Variants in HPSE2 observed in about 807,000 individuals in gnomAD.
HPSE2 encodes heparanase 2 (inactive), also known as inactive heparanase-2.
HPSE2 carries 38 observed loss-of-function variants against 60.5 expected under a neutral mutation model. The observed-to-expected ratio is 0.63, with a 90% CI of 0.48 to 0.82. The LOEUF is 0.82. Ranked by LOEUF, HPSE2 falls within the 40% of genes least tolerant of loss-of-function variation. HPSE2 has a pLI of 0.00. For missense variants in HPSE2, 713 were observed against 740.4 expected, an observed-to-expected ratio of 0.96 and a Z score of 0.43; for synonymous variants, 295 against 293.2, an observed-to-expected ratio of 1.01 and a Z score of -0.06.
At chr10:98,638,904 G>A (rs922846158) in intron 7 of HPSE2, among the ~76,000 whole-genome samples, 1 of 152,162 alleles carries the variant, frequency 6.6e-6, no homozygotes, top group African/African-American at 2.4e-5. Flanking sequence ...ATGACTTAAA[G>A]CCTACTAAAT....
intron 3 of HPSE2, among the ~76,000 whole-genome samples, chr10:98,874,596 CTTTA>C (rs1952822671): frequency 6.6e-6 from 1 of 151,986 alleles, no homozygotes; most frequent in African/African-American, 2.4e-5. Context: ...TCTGAATACT[CTTTA>C]TTTCTTTCTT....
At chr10:99,055,768 C>G (rs965215736) in intron 3 of HPSE2, among the ~76,000 whole-genome samples, 1 of 152,034 alleles carries the variant, frequency 6.6e-6, no homozygotes, top group African/African-American at 2.4e-5. Flanking sequence ...GAATGTATTT[C>G]TAACTGAATA....
chr10:98,466,602 C>T (rs1940543054), intron 11 of HPSE2, among the ~76,000 whole-genome samples: 1 of 145,458 alleles, frequency 6.9e-6, no homozygotes, highest in Non-Finnish European at 1.5e-5. Flanking sequence ...CAGAGTGAGA[C>T]TCCGTCTCAA....
intron 9 of HPSE2, among the ~76,000 whole-genome samples, chr10:98,529,997 C>A (rs145557826): frequency 4.6e-5 from 7 of 152,218 alleles, no homozygotes; most frequent in African/African-American, 1.7e-4. Flanking sequence ...TGATAGAGCA[C>A]CTAGATGACT....
At chr10:99,142,434 C>T (rs1845895986) in intron 3 of HPSE2, among the ~76,000 whole-genome samples, 1 of 152,116 alleles carries the variant, frequency 6.6e-6, no homozygotes, top group Admixed American at 6.5e-5. Flanking sequence ...CATCTCTTCC[C>T]AACACCTGGA....
intron 2 of HPSE2, among the ~76,000 whole-genome samples, chr10:99,186,310 C>G (rs1848021766): frequency 6.6e-6 from 1 of 151,784 alleles, no homozygotes; most frequent in African/African-American, 2.4e-5. Context: ...TTTGAGAGGC[C>G]AAGGCAGGCA....
At chr10:98,546,508 C>A (rs1943680874) in intron 9 of HPSE2, among the ~76,000 whole-genome samples, 1 of 151,724 alleles carries the variant, frequency 6.6e-6, no homozygotes, top group African/African-American at 2.4e-5. Flanking sequence ...CGCATACCTA[C>A]AACTATCTGA....
chr10:99,050,572 A>G (rs1957968261), intron 3 of HPSE2, among the ~76,000 whole-genome samples: 1 of 152,356 alleles, frequency 6.6e-6, no homozygotes, highest in East Asian at 1.9e-4. Flanking sequence ...ACGTGGAATT[A>G]CTGCAATAAG....
chr10:98,868,665 A>T (rs955073697), intron 3 of HPSE2, among the ~76,000 whole-genome samples: 1 of 152,156 alleles, frequency 6.6e-6, no homozygotes, highest in East Asian at 1.9e-4. Flanking sequence ...ATTTTAAAAA[A>T]TTTAATATGA....
the HPSE2 span, among the ~76,000 whole-genome samples, chr10:99,305,969 G>GCACACACACACACA: frequency 4.5e-4 from 23 of 50,920 alleles, no homozygotes; most frequent in South Asian, 1.7e-3. Flanking sequence ...ACACGCGCGC[G>GCACACACACACACA]CGCGCGCGCG....
chr10:99,100,557 G>C (rs532182511), intron 3 of HPSE2, among the ~76,000 whole-genome samples: 1 of 152,292 alleles, frequency 6.6e-6, no homozygotes, highest in African/African-American at 2.4e-5. Flanking sequence ...AACCAAGTTG[G>C]AAAACACTCT....
At chr10:98,501,710 C>T (rs1942034173) in intron 9 of HPSE2, among the ~76,000 whole-genome samples, 1 of 152,114 alleles carries the variant, frequency 6.6e-6, no homozygotes, top group South Asian at 2.1e-4. Context: ...AGCAATCAGA[C>T]AAGAGAAAGA....
chr10:99,254,300 A>T, the HPSE2 span, among the ~76,000 whole-genome samples: 1 of 152,242 alleles, frequency 6.6e-6, no homozygotes, highest in African/African-American at 2.4e-5. Context: ...AGGAACAGAT[A>T]ACCAAATAAT....
At position 99,180,889 on chromosome 10, in the gene HPSE2, C is replaced by CAAAAA. The variant is rs68033581; in HGVS notation, c.449-36495_449-36491dup. Among the ~76,000 whole-genome samples the CAAAAA allele has an allele frequency of 7.7e-4, 23 of 29,700 alleles. 3 individuals are homozygous for CAAAAA. The highest frequency in any genetic ancestry group is 3.2e-3 in the African/African-American group (15 of 4,634). 19.5% of individuals were successfully genotyped at this position (29,700 alleles called of 152,430 possible). On this transcript the variant is annotated intron_variant, in intron 2 of 11. Transcript: ENST00000370552. ...TGGGCAACAAGGCAAGACTCCATCT[C>CAAAAA]AAAAAAAAAAAAAAAAAAAAAAAAA...
chr10:98,911,469 G>A (rs1953977097), intron 3 of HPSE2, among the ~76,000 whole-genome samples: 1 of 152,148 alleles, frequency 6.6e-6, no homozygotes, highest in Admixed American at 6.5e-5. Flanking sequence ...AAAATGAATA[G>A]GAGCTCACAG....
chr10:98,532,740 G>A (rs905604389), intron 9 of HPSE2, among the ~76,000 whole-genome samples: 20 of 152,118 alleles, frequency 1.3e-4, no homozygotes, highest in Non-Finnish European at 2.8e-4. Flanking sequence ...ATTCTTCCAG[G>A]TATAATCAGC....
chr10:98,844,057 A>G (rs1357886889), intron 3 of HPSE2, among the ~76,000 whole-genome samples: 1 of 152,132 alleles, frequency 6.6e-6, no homozygotes, highest in Non-Finnish European at 1.5e-5. Flanking sequence ...TATTTATATG[A>G]AGCAATATTG....
chr10:98,735,023 T>G (rs1481895153), intron 4 of HPSE2, among the ~76,000 whole-genome samples: 1 of 152,086 alleles, frequency 6.6e-6, no homozygotes, highest in African/African-American at 2.4e-5. Flanking sequence ...ATCCATAGTC[T>G]ACATTTGGGT....
intron 2 of HPSE2, among the ~76,000 whole-genome samples, chr10:99,168,190 T>G (rs554847041): frequency 3.6e-4 from 55 of 152,160 alleles, no homozygotes; most frequent in African/African-American, 1.3e-3. Context: ...TTTCAAGATA[T>G]TTCATCTTCC....
Sources: allele counts gnomAD v4.1 joint callset (sites outside exome capture counted in the v4.1 genomes callset), GRCh38; gene constraint gnomAD v4.1.1; transcripts MANE v1.5; gene names NCBI Gene and HGNC (gene_info 2026-07-23, HGNC 2026-07-21).